NOL4L: variants seen among roughly 807,000 people sequenced by gnomAD.
The protein encoded by NOL4L is nucleolar protein 4 like, also known as nucleolar protein 4-like.
A neutral mutation model predicts 64.5 loss-of-function variants in NOL4L; 7 were observed. The observed-to-expected ratio is 0.11, with a 90% CI of 0.06 to 0.20. The LOEUF (loss-of-function observed/expected upper bound fraction) is 0.20, where lower values mean the gene tolerates loss of function less well. Ranked by LOEUF, NOL4L falls within the 10% of genes least tolerant of loss-of-function variation. The probability of loss-of-function intolerance (pLI) is 1.00; values close to 1 mark genes in which losing one functional copy is unlikely to be tolerated. For synonymous variants in NOL4L, 413 were observed against 401.0 expected, an observed-to-expected ratio of 1.03 and a Z score of -0.36; for missense variants, 680 against 967.1, an observed-to-expected ratio of 0.70 and a Z score of 3.94.
chr20:32,507,692 T>C (rs1163108148), intron 4 of NOL4L, among the ~76,000 whole-genome samples: 2 of 152,198 alleles, frequency 1.3e-5, no homozygotes, highest in African/African-American at 4.8e-5. Flanking sequence ...TTTTCAGATA[T>C]AGAGCTTTGT....
chr20:32,556,717 C>T (rs1361696623), intron 1 of NOL4L, among the ~76,000 whole-genome samples: 1 of 152,210 alleles, frequency 6.6e-6, no homozygotes, highest in Non-Finnish European at 1.5e-5. Context: ...CTACCTCCTC[C>T]ATTCATTCCA....
chr20:32,447,476 C>A lies in NOL4L; in HGVS notation c.*120G>T. 1 of 1,119,802 alleles carries A rather than the reference C, an allele frequency of 8.9e-7. No homozygotes were observed. The highest frequency in any genetic ancestry group is 1.2e-6 in the Non-Finnish European group (1 of 845,468). The allele number at this position is 1,119,802 out of a possible 1,614,324, so 69.4% of individuals were successfully genotyped here. Reference sequence around the variant, plus strand: ...CAGGTGCTTGGAGTGTGGCTAGAAACAGCTCTTTTGGATCCCACCTCTTTC... The same window carrying A: ...CAGGTGCTTGGAGTGTGGCTAGAAAAAGCTCTTTTGGATCCCACCTCTTTC... On this transcript the variant is annotated 3_prime_UTR_variant, in exon 11 of 11. Coordinates refer to ENST00000621426, the MANE Select transcript of NOL4L (RefSeq NM_001256798.2).
At chr20:32,551,064 A>AT (rs2145604925) in intron 1 of NOL4L, among the ~76,000 whole-genome samples, 1 of 151,710 alleles carries the variant, frequency 6.6e-6, no homozygotes, top group African/African-American at 2.4e-5. Flanking sequence ...TCAAAAAATA[A>AT]TAATAATAAT....
At chr20:32,579,069 G>A (rs908632361) in intron 1 of NOL4L, among the ~76,000 whole-genome samples, 6 of 152,186 alleles carry the variant, frequency 3.9e-5, no homozygotes, top group African/African-American at 1.2e-4. Context: ...GTGACTTGGT[G>A]ATGATGGAGG....
intron 5 of NOL4L, among the ~76,000 whole-genome samples, chr20:32,471,829 C>T (rs1179381059): frequency 1.3e-5 from 2 of 152,064 alleles, no homozygotes; most frequent in Non-Finnish European, 2.9e-5. Flanking sequence ...TCTCTTGCTC[C>T]CTCTCTCACC....
At chr20:32,563,907 G>A (rs542130776) in intron 1 of NOL4L, among the ~76,000 whole-genome samples, 25 of 152,348 alleles carry the variant, frequency 1.6e-4, no homozygotes, top group Non-Finnish European at 1.8e-4. Flanking sequence ...GCGTATCCTC[G>A]GCAGCCACCT....
chr20:32,443,331 T>G lies in NOL4L; in HGVS notation c.*4265A>C, dbSNP rs1383769572. 1 of 152,232 alleles carries G rather than the reference T, an allele frequency of 6.6e-6. No homozygotes were observed. Among genetic ancestry groups the G allele is most frequent in the Non-Finnish European group, 1.5e-5 (1 of 68,042 alleles). The allele number at this position is 152,232 out of a possible 1,614,324, so 9.4% of individuals were successfully genotyped here. A position where few individuals can be genotyped will look rare whatever the true frequency, so the allele number is the denominator to read the frequency against. ...AATTAAAATATTAAGCCACATTTAC[T>G]GGTAAAACTCACTATATAGAACACA... On this transcript the variant is annotated 3_prime_UTR_variant, in exon 11 of 11. Coordinates refer to ENST00000621426, the MANE Select transcript of NOL4L (RefSeq NM_001256798.2).
chr20:32,527,264 AG>A (rs1394154250), intron 2 of NOL4L, among the ~76,000 whole-genome samples: 1 of 152,144 alleles, frequency 6.6e-6, no homozygotes, highest in Non-Finnish European at 1.5e-5. Context: ...GGTGGGGAGC[AG>A]GTCCTTCGAC....
intron 1 of NOL4L, among the ~76,000 whole-genome samples, chr20:32,545,582 A>G (rs2018721154): frequency 6.8e-6 from 1 of 147,480 alleles, no homozygotes; most frequent in African/African-American, 2.5e-5. Flanking sequence ...AGCCCTGGCC[A>G]CCACCACCAA....
At chr20:32,552,377 ATT>A (rs11478999) in intron 1 of NOL4L, among the ~76,000 whole-genome samples, 320 of 148,330 alleles carry the variant, frequency 2.2e-3, no homozygotes, top group African/African-American at 7.6e-3. Flanking sequence ...TACTTGATTA[ATT>A]TTTTTTTTTT....
intron 1 of NOL4L, among the ~76,000 whole-genome samples, chr20:32,552,674 A>G (rs1385489069): frequency 6.6e-6 from 1 of 151,630 alleles, no homozygotes; most frequent in Non-Finnish European, 1.5e-5. Flanking sequence ...GCGACAAGAG[A>G]GAGACTCCGT....
Position 32,445,326 on chromosome 20 carries a change from A to G in NOL4L, c.*2270T>C, listed in dbSNP as rs952349323. On this transcript the variant is annotated 3_prime_UTR_variant, in exon 11 of 11. Transcript: ENST00000621426. Reference sequence around the variant, plus strand: ...GGTAGGGGGAGGGAGCCCCTTCCCCAGTCTTTCTCACTCCTGTCTGCCAAG... The same window carrying G: ...GGTAGGGGGAGGGAGCCCCTTCCCCGGTCTTTCTCACTCCTGTCTGCCAAG... The G allele has an allele frequency of 1.3e-5, 2 of 152,224 alleles. No individual in the cohort carries two copies. Among genetic ancestry groups the G allele is most frequent in the Non-Finnish European group, 2.9e-5 (2 of 68,038 alleles). The allele number at this position is 152,224 out of a possible 1,614,324, so 9.4% of individuals were successfully genotyped here.
chr20:32,523,990 G>A (rs992154667), intron 2 of NOL4L, among the ~76,000 whole-genome samples: 9 of 152,182 alleles, frequency 5.9e-5, no homozygotes, highest in African/African-American at 1.2e-4. Flanking sequence ...GGATTAGCAC[G>A]TGGTGGGCCT....
chr20:32,551,277 A>T (rs1199367020), intron 1 of NOL4L, among the ~76,000 whole-genome samples: 1 of 150,226 alleles, frequency 6.7e-6, no homozygotes, highest in Non-Finnish European at 1.5e-5. Flanking sequence ...TTTGGAGGCC[A>T]AGGCTGGAGA....
chr20:32,540,132 C>G (rs112712324), intron 1 of NOL4L, among the ~76,000 whole-genome samples: 3,210 of 152,304 alleles, frequency 0.021, 110 homozygotes, highest in African/African-American at 0.072. Context: ...GCTGGGGACT[C>G]TGACCCCTTC....
At chr20:32,473,331 A>C (rs1049727811) in intron 5 of NOL4L, among the ~76,000 whole-genome samples, 3 of 152,104 alleles carry the variant, frequency 2.0e-5, no homozygotes, top group Non-Finnish European at 2.9e-5. Flanking sequence ...CGCTTGTCCC[A>C]GCCCCAGAGC....
intron 1 of NOL4L, among the ~76,000 whole-genome samples, chr20:32,567,383 C>T (rs2145617856): frequency 6.6e-6 from 1 of 152,344 alleles, no homozygotes; most frequent in Non-Finnish European, 1.5e-5. Flanking sequence ...GCTGCCATGG[C>T]GAGGTGGCAG....
intron 1 of NOL4L, among the ~76,000 whole-genome samples, chr20:32,558,167 G>C (rs763323489): frequency 2.6e-5 from 4 of 152,178 alleles, no homozygotes; most frequent in Non-Finnish European, 5.9e-5. Flanking sequence ...GAGTTTGCAC[G>C]ACCTCTCCTA....
chr20:32,455,836 T>C (rs2013446321), intron 6 of NOL4L, among the ~76,000 whole-genome samples: 1 of 152,018 alleles, frequency 6.6e-6, no homozygotes, highest in African/African-American at 2.4e-5. Flanking sequence ...GGGGGATGGG[T>C]TGTGGGGATG....
Sources: gnomAD v4.1 joint callset for allele counts (sites outside exome capture counted in the v4.1 genomes callset) on GRCh38, gnomAD v4.1.1 for gene constraint, MANE v1.5 for transcripts, NCBI Gene and HGNC (gene_info 2026-07-23, HGNC 2026-07-21) for gene names.